The following SMC3 variants were observed in gnomAD, a reference collection of about 807,000 sequenced individuals.
SMC3 encodes structural maintenance of chromosomes 3.
SMC3 carries 20 observed loss-of-function variants against 171.8 expected under a neutral mutation model. The observed-to-expected ratio is 0.12, with a 90% confidence interval of 0.08 to 0.17. SMC3 has a LOEUF of 0.17. Ranked by LOEUF, SMC3 falls within the 10% of genes least tolerant of loss-of-function variation. The probability of loss-of-function intolerance (pLI) is 1.00; values close to 1 mark genes in which losing one functional copy is unlikely to be tolerated. For missense variants in SMC3, 543 were observed against 1,420.4 expected, an observed-to-expected ratio of 0.38 and a Z score of 9.93; for synonymous variants, 464 against 451.1, an observed-to-expected ratio of 1.03 and a Z score of -0.36.
intron 20 of SMC3, 106 bp from the exon 21 acceptor site, chr10:110,599,548 G>GAT (rs1362151975): frequency 1.0e-6 from 1 of 961,824 alleles, no homozygotes; most frequent in Non-Finnish European, 1.5e-6. Flanking sequence ...TATTTGAGTT[G>GAT]ATATGTCTAT....
At chr10:110,597,869 G>A (rs1469652133) in intron 19 of SMC3, among the ~76,000 whole-genome samples, 2 of 152,150 alleles carry the variant, frequency 1.3e-5, no homozygotes, top group African/African-American at 4.8e-5. Context: ...CCTCCTTTAT[G>A]GTTTTCCAAG....
chr10:110,589,731 A>G (rs2134735709), intron 14 of SMC3, 23 bp downstream of exon 14: 5 of 1,487,230 alleles, frequency 3.4e-6, no homozygotes, highest in Non-Finnish European at 3.7e-6. Context: ...TAAAATGTGC[A>G]TTAATGTTTT....
Position 110,583,831 on chromosome 10 carries a change from T to G in SMC3, c.970-10T>G. The G allele has an allele frequency of 6.2e-7, 1 of 1,611,682 alleles. No homozygotes were observed. Among genetic ancestry groups the G allele is most frequent in the South Asian group, 1.1e-5 (1 of 90,292 alleles). On this transcript the variant is annotated splice_polypyrimidine_tract_variant and intron_variant, in intron 11 of 28. Transcript: ENST00000361804. ...ATTTAAAGCAGTTTGCATTTTTACT[T>G]TGTTTACAGAAACGTTTATTAAAAG...
Position 110,599,738 on chromosome 10 carries a change from T to C in SMC3, c.2353T>C (p.Leu785=), listed in dbSNP as rs774323887. ...ESLKAELGTD[L]LSQLSLEDQK... is the part of the protein sequence containing the mutation. ...ATTGAAAGCAGAACTGGGAACTGAT[T>C]TGCTTTCTCAACTGAGTTTGGAAGA... Residue 785 remains leucine, a synonymous_variant, in exon 21 of 29, where the codon TTG becomes CTG. Transcript: ENST00000361804. 4 of 1,614,060 alleles carry C rather than the reference T, an allele frequency of 2.5e-6. No homozygotes were observed. Among genetic ancestry groups the C allele is most frequent in the Non-Finnish European group, 3.4e-6 (4 of 1,179,950 alleles).
intron 13 of SMC3, among the ~76,000 whole-genome samples, chr10:110,587,879 A>G (rs1414174342): frequency 6.6e-5 from 10 of 152,172 alleles, no homozygotes; most frequent in African/African-American, 2.4e-4. Flanking sequence ...GAAAAGTTAA[A>G]TTTTACCTAG....
intron 4 of SMC3, among the ~76,000 whole-genome samples, chr10:110,576,305 T>C (rs1258442690): frequency 6.6e-6 from 1 of 152,214 alleles, no homozygotes; most frequent in Non-Finnish European, 1.5e-5. Context: ...CCATCGTAAG[T>C]TGGGGACCAC....
At chr10:110,586,944 A>ACCGCG (rs1861127842) in intron 13 of SMC3, among the ~76,000 whole-genome samples, 1 of 152,330 alleles carries the variant, frequency 6.6e-6, no homozygotes, top group South Asian at 2.1e-4. Context: ...GGCGTGAGCC[A>ACCGCG]CCGCGCCCGG....
At chr10:110,574,986 T>C (rs887069031) in intron 3 of SMC3, among the ~76,000 whole-genome samples, 4 of 152,152 alleles carry the variant, frequency 2.6e-5, no homozygotes, top group Admixed American at 2.0e-4. Context: ...TTATGTCTAG[T>C]GGGGAAAAAA....
intron 13 of SMC3, 116 bp from the exon 14 acceptor site, chr10:110,589,489 A>G: frequency 1.4e-6 from 1 of 698,656 alleles, no homozygotes; most frequent in Non-Finnish European, 2.6e-6. Flanking sequence ...CCCCTTTGTA[A>G]TTCCTCCCTC....
rs1365547165 is a variant in SMC3, at chr10:110,599,706, G to A, written c.2321G>A (p.Arg774Lys). 1 of 1,614,142 alleles carries A rather than the reference G, an allele frequency of 6.2e-7. No individual in the cohort carries two copies. The highest frequency in any genetic ancestry group is 1.1e-5 in the South Asian group (1 of 91,080). ...AGCTTGCATGCTATGGAGTCTACCA[G>A]AGAGTCATTGAAAGCAGAACTGGGA... The part of the protein sequence containing the change: ...EASLHAMEST[R>K]ESLKAELGTD... The change falls in exon 21 of 29, where the codon AGA (arginine) becomes AAA (lysine). Residue 774 changes from arginine to lysine, a missense_variant. Coordinates refer to ENST00000361804, the MANE Select transcript of SMC3 (RefSeq NM_005445.4).
At chr10:110,582,448 A>G (rs1331110140) in intron 9 of SMC3, 114 bp from the exon 10 acceptor site, 2 of 779,744 alleles carry the variant, frequency 2.6e-6, no homozygotes, top group Non-Finnish European at 4.2e-6. Context: ...ATTTTTGTAG[A>G]AAATTTGAGC....
At chr10:110,572,982 T>C (rs1222654526) in intron 2 of SMC3, among the ~76,000 whole-genome samples, 4 of 152,300 alleles carry the variant, frequency 2.6e-5, no homozygotes, top group East Asian at 3.9e-4. Flanking sequence ...GTCTGTCATA[T>C]GCGTTTTTTT....
At chr10:110,581,296 C>A (rs1292827842) in intron 8 of SMC3, among the ~76,000 whole-genome samples, 1 of 147,138 alleles carries the variant, frequency 6.8e-6, no homozygotes, top group Non-Finnish European at 1.5e-5. Context: ...CTGCTTATTG[C>A]AACCTCTGCC....
intron 17 of SMC3, among the ~76,000 whole-genome samples, chr10:110,592,573 CTAATT>C: frequency 6.6e-6 from 1 of 152,208 alleles, no homozygotes. Flanking sequence ...ATTTTCCTAT[CTAATT>C]TAGATATATA....
Position 110,577,428 on chromosome 10 carries a change from C to T in SMC3, c.206C>T (p.Thr69Ile). Residue 69 changes from threonine to isoleucine, a missense_variant, in exon 5 of 29, where the codon ACT (threonine) becomes ATT (isoleucine). This residue lies in a region of SMC3 where 146 missense variants were observed against 437.9 expected (regional missense o/e 0.33). Coordinates refer to ENST00000361804, the MANE Select transcript of SMC3 (RefSeq NM_005445.4). ...CACTTCTTTCATTTTTAGGAAGGTA[C>T]TGGTCCTCGTGTTATTTCTGCTTTT... is the stretch of plus-strand genomic sequence containing the variant. Reference protein sequence around the residue: ...EQRLALLHEGTGPRVISAFVE... With the variant: ...EQRLALLHEGIGPRVISAFVE... 6.2e-7 allele frequency: 1 copy of T among 1,611,478 alleles called. No individual in the cohort carries two copies. Among genetic ancestry groups the T allele is most frequent in the Non-Finnish European group, 8.5e-7 (1 of 1,177,848 alleles).
chr10:110,569,027 GT>G lies in SMC3; in HGVS notation c.91+17del. The G allele has an allele frequency of 1.3e-6, 2 of 1,506,904 alleles. No individual in the cohort carries two copies. The highest frequency in any genetic ancestry group is 1.4e-5 in the African/African-American group (1 of 72,868). 93.3% of individuals were successfully genotyped at this position (1,506,904 alleles called of 1,614,324 possible). Reference sequence around the variant, plus strand: ...ATAATGTGATTGGTAAGTGTTCTTGGTTTACTCGGTCATATTTATAGTCTAT... The same window carrying G: ...ATAATGTGATTGGTAAGTGTTCTTGGTTACTCGGTCATATTTATAGTCTAT... On this transcript the variant is annotated intron_variant, in intron 2 of 28. Coordinates refer to ENST00000361804, the MANE Select transcript of SMC3 (RefSeq NM_005445.4).
At chr10:110,586,529 T>C (rs1861119104) in intron 13 of SMC3, among the ~76,000 whole-genome samples, 1 of 152,222 alleles carries the variant, frequency 6.6e-6, no homozygotes, top group Admixed American at 6.5e-5. Flanking sequence ...GAGAATTTAT[T>C]CATTTTTTGT....
intron 4 of SMC3, among the ~76,000 whole-genome samples, chr10:110,577,212 T>C (rs148395705): frequency 7.2e-4 from 109 of 152,220 alleles, no homozygotes; most frequent in African/African-American, 2.5e-3. Context: ...GAGGGATATA[T>C]ACTATAACTC....
At chr10:110,572,121 C>T (rs1860881424) in intron 2 of SMC3, among the ~76,000 whole-genome samples, 1 of 152,156 alleles carries the variant, frequency 6.6e-6, no homozygotes, top group African/African-American at 2.4e-5. Context: ...AAACCCTTTA[C>T]CTAGATTCAC....
Sources: gnomAD v4.1 joint callset for allele counts (sites outside exome capture counted in the v4.1 genomes callset) on GRCh38, gnomAD v4.1.1 for gene constraint, gnomAD v4.1.1 regional missense constraint, MANE v1.5 for transcripts, NCBI Gene and HGNC (gene_info 2026-07-23, HGNC 2026-07-21) for gene names.